NBEA: variants seen among roughly 807,000 people sequenced by gnomAD.
NBEA encodes lysosomal-trafficking regulator 2.
NBEA carries 44 observed loss-of-function variants against 343.4 expected under a neutral mutation model. That is an observed-to-expected ratio of 0.13 (90% CI 0.10 to 0.16). NBEA has a LOEUF of 0.16. Ranked by LOEUF, NBEA falls within the 10% of genes least tolerant of loss-of-function variation. The pLI, the probability that NBEA is intolerant of heterozygous loss-of-function variation, is 1.00. For missense variants in NBEA, 2,555 were observed against 3,631.3 expected (o/e 0.70, Z 7.62); for synonymous variants, 1,175 against 1,238.7 (o/e 0.95, Z 1.08).
At position 35,480,276 on chromosome 13, in the gene NBEA, T is replaced by G. The variant is rs554111791; in HGVS notation, c.6585+7740T>G. ...TATATGGGATATACAAAGTAATTCA[T>G]AAATAGTGTCATTATTAAGCTTAAA... On this transcript the variant is annotated intron_variant, in intron 41 of 58. Coordinates refer to ENST00000379939, the MANE Select transcript of NBEA (RefSeq NM_001385012.1). 4.6e-5 allele frequency among the ~76,000 whole-genome samples: 7 copies of G among 152,234 alleles called. No homozygotes were observed. The South Asian group carries it at 1.4e-3, about 32-fold the overall frequency.
At chr13:35,090,368 C>G (rs921834061) in intron 10 of NBEA, among the ~76,000 whole-genome samples, 12 of 151,844 alleles carry the variant, frequency 7.9e-5, no homozygotes, top group Non-Finnish European at 1.3e-4. Context: ...ACATAATTAA[C>G]TATAATGGGG....
intron 38 of NBEA, among the ~76,000 whole-genome samples, chr13:35,360,876 A>G (rs2040769689): frequency 6.6e-6 from 1 of 151,994 alleles, no homozygotes; most frequent in South Asian, 2.1e-4. Context: ...CAAAACGTCT[A>G]AGTTTGAACA....
intron 38 of NBEA, among the ~76,000 whole-genome samples, chr13:35,385,419 G>T (rs1245708633): frequency 6.6e-6 from 1 of 152,046 alleles, no homozygotes; most frequent in East Asian, 1.9e-4. Context: ...TACTAGTTGG[G>T]CCAGGAATGG....
intron 51 of NBEA, among the ~76,000 whole-genome samples, chr13:35,647,799 T>G (rs554197842): frequency 2.0e-5 from 3 of 152,254 alleles, no homozygotes; most frequent in Admixed American, 2.0e-4. Flanking sequence ...ACTCCTGACC[T>G]CGTGATCTGC....
chr13:35,451,716 A>G (rs2046320996), intron 39 of NBEA, among the ~76,000 whole-genome samples: 1 of 152,196 alleles, frequency 6.6e-6, no homozygotes, highest in Non-Finnish European at 1.5e-5. Context: ...TTTTAAGAAA[A>G]TAAGTTTGGG....
intron 38 of NBEA, among the ~76,000 whole-genome samples, chr13:35,376,266 C>T (rs1036362798): frequency 2.0e-5 from 3 of 152,068 alleles, no homozygotes; most frequent in African/African-American, 7.2e-5. Context: ...GATATGATTT[C>T]CTTATTTGAA....
intron 35 of NBEA, among the ~76,000 whole-genome samples, chr13:35,295,260 G>C (rs1411746795): frequency 6.6e-6 from 1 of 151,386 alleles, no homozygotes; most frequent in Non-Finnish European, 1.5e-5. Flanking sequence ...TGTGTTAATA[G>C]TATAGAATTA....
chr13:35,122,784 A>G (rs867178201), intron 16 of NBEA, among the ~76,000 whole-genome samples: 2 of 152,192 alleles, frequency 1.3e-5, no homozygotes, highest in Non-Finnish European at 2.9e-5. Context: ...TGCTTTATCT[A>G]CTGCTTTCTG....
At chr13:35,297,741 T>C (rs542171279) in intron 35 of NBEA, among the ~76,000 whole-genome samples, 1 of 152,134 alleles carries the variant, frequency 6.6e-6, no homozygotes, top group Admixed American at 6.5e-5. Context: ...ATATCCAGCA[T>C]ATAGTATAGG....
Position 35,396,551 on chromosome 13 carries a change from A to G in NBEA, c.6180-35718A>G, listed in dbSNP as rs1440034694. On this transcript the variant is annotated intron_variant, in intron 38 of 58. Coordinates refer to ENST00000379939, the MANE Select transcript of NBEA (RefSeq NM_001385012.1). ...TGTAAAACATAGAAACCTTGAAACC[A>G]TATAGATTCATTTGTAGCTTATCAG... Among the ~76,000 whole-genome samples the G allele has an allele frequency of 2.0e-5, 3 of 152,274 alleles. No individual in the cohort carries two copies. The South Asian group carries it at 6.2e-4, about 32-fold the overall frequency.
At chr13:35,285,064 G>A (rs2035331518) in intron 34 of NBEA, among the ~76,000 whole-genome samples, 1 of 152,118 alleles carries the variant, frequency 6.6e-6, no homozygotes, top group Admixed American at 6.6e-5. Flanking sequence ...CACGTCTATA[G>A]TTATTCAACA....
At chr13:35,245,158 C>T (rs1232966871) in intron 34 of NBEA, among the ~76,000 whole-genome samples, 3 of 152,056 alleles carry the variant, frequency 2.0e-5, no homozygotes, top group Admixed American at 6.5e-5. Flanking sequence ...TGTCCTTTTC[C>T]ACCCTTTTAC....
intron 38 of NBEA, among the ~76,000 whole-genome samples, chr13:35,428,330 C>G (rs1403004041): frequency 6.6e-6 from 1 of 152,198 alleles, no homozygotes; most frequent in Admixed American, 6.5e-5. Flanking sequence ...CCGACTTTCT[C>G]CTCTCCTTCT....
At chr13:35,246,352 A>T (rs2031185206) in intron 34 of NBEA, among the ~76,000 whole-genome samples, 1 of 152,112 alleles carries the variant, frequency 6.6e-6, no homozygotes, top group Non-Finnish European at 1.5e-5. Flanking sequence ...GGGGGATGTT[A>T]AAGACCCTTG....
chr13:34,961,086 G>A (rs1189079222), intron 1 of NBEA, among the ~76,000 whole-genome samples: 1 of 151,972 alleles, frequency 6.6e-6, no homozygotes, highest in African/African-American at 2.4e-5. Context: ...CGAAAGAATG[G>A]TTGTAGTTTT....
At chr13:35,236,183 T>A (rs1382595056) in intron 34 of NBEA, among the ~76,000 whole-genome samples, 1 of 152,146 alleles carries the variant, frequency 6.6e-6, no homozygotes, top group African/African-American at 2.4e-5. Context: ...TAAAATATGA[T>A]CCTTTAAATT....
At chr13:35,009,859 T>C (rs755860351) in intron 1 of NBEA, among the ~76,000 whole-genome samples, 9 of 152,166 alleles carry the variant, frequency 5.9e-5, no homozygotes, top group Non-Finnish European at 1.3e-4. Context: ...AATTTAGATA[T>C]ATTTTGAAGG....
chr13:35,163,519 G>C (rs1411647612), intron 23 of NBEA, among the ~76,000 whole-genome samples: 2 of 151,348 alleles, frequency 1.3e-5, no homozygotes, highest in African/African-American at 4.9e-5. Context: ...TGTAGTCCCA[G>C]CTACTCGGGA....
chr13:35,556,422 G>A (rs2079575066), intron 44 of NBEA, among the ~76,000 whole-genome samples: 2 of 151,822 alleles, frequency 1.3e-5, no homozygotes, highest in Non-Finnish European at 2.9e-5. Flanking sequence ...CTCTATCGTG[G>A]ACTTTTAATA....
Sources: gnomAD v4.1 joint callset for allele counts (sites outside exome capture counted in the v4.1 genomes callset) on GRCh38, gnomAD v4.1.1 for gene constraint, MANE v1.5 for transcripts, NCBI Gene and HGNC (gene_info 2026-07-23, HGNC 2026-07-21) for gene names.